Variants in GLDC observed in about 807,000 individuals in gnomAD.
GLDC encodes the protein glycine decarboxylase, also known as glycine dehydrogenase (decarboxylating), mitochondrial.
Under a neutral mutation model 121.3 loss-of-function variants are expected in GLDC, and 104 were observed. The ratio of observed to expected loss-of-function variants is 0.86; its 90% CI spans 0.73 to 1.01. GLDC has a LOEUF of 1.01. Ranked by LOEUF, GLDC falls within the 50% of genes least tolerant of loss-of-function variation. The probability of loss-of-function intolerance (pLI) is 0.00; values close to 1 mark genes in which losing one functional copy is unlikely to be tolerated. For missense variants in GLDC, 1,429 were observed against 1,306.6 expected (o/e 1.09, Z -1.44); for synonymous variants, 546 against 480.6 (o/e 1.14, Z -1.78).
At chr9:6,571,916 A>G (rs1275742835) in intron 15 of GLDC, among the ~76,000 whole-genome samples, 1 of 152,228 alleles carries the variant, frequency 6.6e-6, no homozygotes, top group African/African-American at 2.4e-5. Context: ...ATACCCAACT[A>G]TTTTTGACAA....
intron 2 of GLDC, among the ~76,000 whole-genome samples, chr9:6,642,017 C>T (rs1819639334): frequency 1.3e-5 from 2 of 152,168 alleles, no homozygotes; most frequent in Admixed American, 1.3e-4. Flanking sequence ...ATTCATTCAC[C>T]ATGACACGTG....
intron 5 of GLDC, 115 bp from the exon 6 acceptor site, chr9:6,605,393 C>G: frequency 1.0e-6 from 1 of 952,894 alleles, no homozygotes; most frequent in Non-Finnish European, 1.6e-6. Flanking sequence ...ACAGTGGCCT[C>G]CCACCCCTGC....
intron 15 of GLDC, among the ~76,000 whole-genome samples, chr9:6,579,162 G>A (rs553712525): frequency 1.0e-3 from 158 of 152,170 alleles, no homozygotes; most frequent in African/African-American, 3.6e-3. Context: ...CCTTAGGCAA[G>A]AAAAGAGTTA....
intron 2 of GLDC, among the ~76,000 whole-genome samples, chr9:6,629,339 C>T (rs917284352): frequency 3.3e-5 from 5 of 151,672 alleles, no homozygotes; most frequent in African/African-American, 9.7e-5. Flanking sequence ...CTCAGCCTCC[C>T]GAGTAGCTGG....
rs564870815 is a variant in GLDC, at chr9:6,558,231, T to C, written c.2052+328A>G. On this transcript the variant is annotated intron_variant, in intron 17 of 24. Coordinates refer to ENST00000321612, the MANE Select transcript of GLDC (RefSeq NM_000170.3). ...TGTTACAATTCCTGACACGAAGATGTGTAAGTGTGACTGCCATTTTGATTA... is the reference window on the plus strand; with the variant it reads ...TGTTACAATTCCTGACACGAAGATGCGTAAGTGTGACTGCCATTTTGATTA... 172 of 574,320 alleles carry C rather than the reference T, an allele frequency of 3.0e-4. 1 individual carries two copies. The South Asian group carries it at 3.5e-3, about 12-fold the overall frequency. 35.6% of individuals were successfully genotyped at this position (574,320 alleles called of 1,614,324 possible). A position where few individuals can be genotyped will look rare whatever the true frequency, so the allele number is the denominator to read the frequency against.
chr9:6,537,966 C>A (rs1817171620), intron 22 of GLDC, among the ~76,000 whole-genome samples: 1 of 152,202 alleles, frequency 6.6e-6, no homozygotes, highest in Admixed American at 6.5e-5. Flanking sequence ...CTCTTAAACC[C>A]TTCAGCATAT....
At chr9:6,567,984 G>C (rs1427500147) in intron 15 of GLDC, among the ~76,000 whole-genome samples, 1 of 152,152 alleles carries the variant, frequency 6.6e-6, no homozygotes, top group Non-Finnish European at 1.5e-5. Flanking sequence ...CAATATGAAT[G>C]TCATCCTTTC....
Position 6,588,746 on chromosome 9 carries a change from T to C in GLDC, c.1581-44A>G, listed in dbSNP as rs537779318. The stretch of plus-strand genomic sequence containing the variant: ...GAATTAGGGGCCCCAAAAGTAGATA[T>C]GAGTCCATGCACATCCTCCTGACAT... On this transcript the variant is annotated intron_variant, in intron 12 of 24. Transcript: ENST00000321612. The C allele has an allele frequency of 9.7e-6, 11 of 1,131,462 alleles. 1 individual carries two copies. Among genetic ancestry groups the C allele is most frequent in the Non-Finnish European group, 1.5e-5 (11 of 739,330 alleles). 70.1% of individuals were successfully genotyped at this position (1,131,462 alleles called of 1,614,324 possible).
intron 2 of GLDC, among the ~76,000 whole-genome samples, chr9:6,636,008 C>T (rs182145375): frequency 6.6e-6 from 1 of 152,272 alleles, no homozygotes; most frequent in East Asian, 1.9e-4. Flanking sequence ...CGTAAACAAT[C>T]TTCACTTTGG....
chr9:6,584,483 A>G (rs535428858), intron 15 of GLDC, among the ~76,000 whole-genome samples: 110 of 152,362 alleles, frequency 7.2e-4, no homozygotes, highest in African/African-American at 2.6e-3. Flanking sequence ...ATAAGACAAG[A>G]AATGTGTCAC....
intron 1 of GLDC, among the ~76,000 whole-genome samples, chr9:6,644,981 C>T (rs1819710805): frequency 1.3e-5 from 2 of 152,296 alleles, no homozygotes; most frequent in Non-Finnish European, 1.5e-5. Context: ...TTAGGTCCAT[C>T]CACAGGGCCA....
At chr9:6,558,803 C>G in intron 16 of GLDC, 119 bp from the exon 17 acceptor site, 2 of 1,044,666 alleles carry the variant, frequency 1.9e-6, no homozygotes, top group Non-Finnish European at 2.9e-6. Flanking sequence ...TTTATTTAGG[C>G]TGAACACTAG....
rs1291249820 is a variant in GLDC at position 6,639,053 on chromosome 9, G to C, written c.334+5561C>G. ...ATCCTCAGAGTGTCTTTCAATAGTA[G>C]TCAGTAAACATTTAACAATTAGGCA... is the stretch of plus-strand genomic sequence containing the variant. On this transcript the variant is annotated intron_variant, in intron 2 of 24. Coordinates refer to ENST00000321612, the MANE Select transcript of GLDC (RefSeq NM_000170.3). 6.4e-6 allele frequency: 4 copies of C among 627,164 alleles called. No homozygotes were observed. In the African/African-American group the frequency reaches 7.4e-5, roughly 12 times the overall value. The allele number at this position is 627,164 out of a possible 1,614,324, so 38.8% of individuals were successfully genotyped here.
At chr9:6,624,310 G>A (rs1038946921) in intron 2 of GLDC, among the ~76,000 whole-genome samples, 1 of 152,192 alleles carries the variant, frequency 6.6e-6, no homozygotes, top group Non-Finnish European at 1.5e-5. Context: ...AAGTTAAAAT[G>A]AGATCATGCT....
chr9:6,627,326 T>C (rs964859603), intron 2 of GLDC, among the ~76,000 whole-genome samples: 4 of 148,360 alleles, frequency 2.7e-5, no homozygotes, highest in African/African-American at 9.9e-5. Flanking sequence ...GCAAACTAGC[T>C]TAAATAAAGA....
At chr9:6,639,669 G>GTATATATATATA (rs150365649) in intron 2 of GLDC, 2,414 of 226,980 alleles carry the variant, frequency 0.011, 91 homozygotes, top group African/African-American at 0.034. Context: ...TAAAAAAAAA[G>GTATATATATATA]TATATATATA....
chr9:6,556,563 C>A (rs1016690495), intron 17 of GLDC, among the ~76,000 whole-genome samples: 1 of 152,114 alleles, frequency 6.6e-6, no homozygotes, highest in Admixed American at 6.5e-5. Context: ...GAGGCCGAGG[C>A]GGGCAGATCA....
At chr9:6,552,127 T>C (rs1817528296) in intron 20 of GLDC, among the ~76,000 whole-genome samples, 1 of 152,108 alleles carries the variant, frequency 6.6e-6, no homozygotes, top group African/African-American at 2.4e-5. Context: ...CCTGTGGAAT[T>C]GCAGCAGGGA....
chr9:6,622,254 C>T (rs1305258154), intron 2 of GLDC, among the ~76,000 whole-genome samples: 4 of 152,012 alleles, frequency 2.6e-5, no homozygotes, highest in Non-Finnish European at 5.9e-5. Flanking sequence ...CCTCCCCCTC[C>T]CCCTCTCCCC....
Sources: allele counts gnomAD v4.1 joint callset (sites outside exome capture counted in the v4.1 genomes callset), GRCh38; gene constraint gnomAD v4.1.1; transcripts MANE v1.5; gene names NCBI Gene and HGNC (gene_info 2026-07-23, HGNC 2026-07-21).